Variants in XKR9 observed in about 807,000 individuals in gnomAD.
The protein encoded by XKR9 is XK related 9.
Under a neutral mutation model 32.0 loss-of-function variants are expected in XKR9, and 32 were observed. That is an observed-to-expected ratio of 1.00 (90% CI 0.76 to 1.34). XKR9 has a LOEUF of 1.34. Among genes scored for constraint, XKR9 ranks in the 40% most tolerant of loss-of-function variants. The pLI is 0.00. For synonymous variants in XKR9, 168 were observed against 143.4 expected (o/e 1.17, Z -1.22); for missense variants, 546 against 429.7 (o/e 1.27, Z -2.39).
At chr8:70,899,638 T>C in the XKR9 span, among the ~76,000 whole-genome samples, 2 of 152,114 alleles carry the variant, frequency 1.3e-5, no homozygotes, top group African/African-American at 4.8e-5. Context: ...GCTTTTTAAT[T>C]ATGTCCAGAG....
the XKR9 span, among the ~76,000 whole-genome samples, chr8:71,016,680 C>T: frequency 6.6e-6 from 1 of 152,158 alleles, no homozygotes; most frequent in African/African-American, 2.4e-5. Flanking sequence ...TATGATACCC[C>T]AGTCACATAT....
At chr8:70,936,742 T>C in the XKR9 span, among the ~76,000 whole-genome samples, 1 of 152,154 alleles carries the variant, frequency 6.6e-6, no homozygotes, top group East Asian at 1.9e-4. Context: ...ATGCCCTGGA[T>C]TGAGAACATT....
At chr8:70,971,209 A>G in the XKR9 span, among the ~76,000 whole-genome samples, 1 of 151,928 alleles carries the variant, frequency 6.6e-6, no homozygotes, top group Non-Finnish European at 1.5e-5. Context: ...CATTTTCCTG[A>G]TAATTAGTGA....
the XKR9 span, among the ~76,000 whole-genome samples, chr8:71,049,496 G>T: frequency 6.6e-6 from 1 of 152,198 alleles, no homozygotes; most frequent in African/African-American, 2.4e-5. Context: ...GATGGTGAGG[G>T]GAAGGTAGAC....
intron 2 of XKR9, among the ~76,000 whole-genome samples, chr8:70,780,195 G>A (rs545485755): frequency 6.6e-6 from 1 of 151,032 alleles, no homozygotes; most frequent in Non-Finnish European, 1.5e-5. Flanking sequence ...TTCATGAACT[G>A]GCTTATATTT....
chr8:70,779,315 T>C (rs1230144705), intron 2 of XKR9, among the ~76,000 whole-genome samples: 1 of 152,208 alleles, frequency 6.6e-6, no homozygotes, highest in Non-Finnish European at 1.5e-5. Flanking sequence ...TTGTTCGTGG[T>C]GGATAAGCTT....
At chr8:70,850,483 A>AG in the XKR9 span, among the ~76,000 whole-genome samples, 8 of 125,604 alleles carry the variant, frequency 6.4e-5, no homozygotes, top group African/African-American at 2.3e-4. Flanking sequence ...AAAAAAAAAA[A>AG]AGAAAGAAAA....
the XKR9 span, among the ~76,000 whole-genome samples, chr8:70,799,872 T>C: frequency 3.9e-4 from 60 of 152,230 alleles, no homozygotes; most frequent in East Asian, 9.9e-3. Context: ...TTTCCTGATT[T>C]CTGAGCCCAG....
At chr8:70,682,553 A>G (rs893949652) in intron 3 of XKR9, among the ~76,000 whole-genome samples, 1 of 152,196 alleles carries the variant, frequency 6.6e-6, no homozygotes, top group Non-Finnish European at 1.5e-5. Flanking sequence ...TTTTTGATTG[A>G]ATATTACACA....
rs149639516 is a variant in XKR9, at chr8:70,750,467, A to T, written n.353-38872A>T. Among the ~76,000 whole-genome samples the T allele has an allele frequency of 8.5e-5, 13 of 152,290 alleles. No individual in the cohort carries two copies. In the East Asian group the frequency reaches 2.5e-3, roughly 29 times the overall value. On this transcript the variant is annotated intron_variant and non_coding_transcript_variant, in intron 2 of 3. Coordinates refer to the XKR9 transcript ENST00000520273. ...GGATAAGTCTTAATAAATATCTGTT[A>T]AATAACTGATTGGTTACCACTCCAG...
intron 2 of XKR9, among the ~76,000 whole-genome samples, chr8:70,754,449 A>G (rs1807188272): frequency 7.7e-6 from 1 of 129,638 alleles, no homozygotes; most frequent in Non-Finnish European, 1.8e-5. Context: ...AAGAGCCCGC[A>G]TCGCCAAGTC....
the XKR9 span, among the ~76,000 whole-genome samples, chr8:71,034,654 C>G: frequency 6.6e-6 from 1 of 152,140 alleles, no homozygotes. Context: ...TTTGATTCAT[C>G]CTACCCACTC....
chr8:70,749,590 C>A (rs192839586), intron 2 of XKR9, among the ~76,000 whole-genome samples: 1 of 152,372 alleles, frequency 6.6e-6, no homozygotes, highest in East Asian at 1.9e-4. Context: ...TGGCTGTGCA[C>A]AGTGGCTGGA....
At chr8:70,942,680 C>T in the XKR9 span, among the ~76,000 whole-genome samples, 3 of 152,080 alleles carry the variant, frequency 2.0e-5, no homozygotes, top group Non-Finnish European at 4.4e-5. Context: ...ACAAATTAGT[C>T]TTTCTAAAAT....
the XKR9 span, among the ~76,000 whole-genome samples, chr8:70,954,315 G>T: frequency 6.6e-6 from 1 of 152,114 alleles, no homozygotes; most frequent in East Asian, 1.9e-4. Context: ...GGTTTTTAAG[G>T]AGGGCTAGGA....
chr8:70,797,395 T>C, the XKR9 span, among the ~76,000 whole-genome samples: 3 of 152,150 alleles, frequency 2.0e-5, no homozygotes, highest in African/African-American at 7.2e-5. Context: ...CCGCCTCTAC[T>C]TGGATTTGCA....
At chr8:70,895,831 A>G in the XKR9 span, among the ~76,000 whole-genome samples, 1 of 151,146 alleles carries the variant, frequency 6.6e-6, no homozygotes, top group East Asian at 1.9e-4. Flanking sequence ...CAAAAAAAAA[A>G]AAAAAAAGAA....
At chr8:70,856,953 A>G in the XKR9 span, among the ~76,000 whole-genome samples, 17 of 152,068 alleles carry the variant, frequency 1.1e-4, no homozygotes, top group Non-Finnish European at 2.2e-4. Flanking sequence ...ATACCAGAAT[A>G]TGTGGGACAC....
At chr8:70,677,783 A>T (rs1475831570) in intron 2 of XKR9, among the ~76,000 whole-genome samples, 1 of 152,148 alleles carries the variant, frequency 6.6e-6, no homozygotes, top group Non-Finnish European at 1.5e-5. Context: ...TTTCACAGGG[A>T]TTTGTGAGGA....
Sources: gnomAD v4.1 joint callset for allele counts (sites outside exome capture counted in the v4.1 genomes callset) on GRCh38, gnomAD v4.1.1 for gene constraint, MANE v1.5 for transcripts, NCBI Gene and HGNC (gene_info 2026-07-23, HGNC 2026-07-21) for gene names.